PRELID3A: variants seen among roughly 807,000 people sequenced by gnomAD.
The protein encoded by PRELID3A is PRELI domain containing protein 3A.
PRELID3A carries 27 observed loss-of-function variants against 23.0 expected under a neutral mutation model. That is an observed-to-expected ratio of 1.17 (90% confidence interval 0.87 to 1.62). The LOEUF (loss-of-function observed/expected upper bound fraction) is 1.62, where lower values mean the gene tolerates loss of function less well. PRELID3A is among the 40% of genes most tolerant of loss of function. PRELID3A has a pLI of 0.00. For missense variants in PRELID3A, 231 were observed against 231.4 expected, an observed-to-expected ratio of 1.00 and a Z score of 0.01; for synonymous variants, 87 against 86.4, an observed-to-expected ratio of 1.01 and a Z score of -0.04.
chr18:12,414,452 G>A (rs566763437), intron 1 of PRELID3A, among the ~76,000 whole-genome samples: 8 of 152,286 alleles, frequency 5.3e-5, no homozygotes, highest in South Asian at 4.1e-4. Context: ...TTGGCCGGGC[G>A]CCATGGCTCA....
chr18:12,430,050 G>A (rs1246206410), intron 6 of PRELID3A, among the ~76,000 whole-genome samples: 1 of 152,270 alleles, frequency 6.6e-6, no homozygotes, highest in African/African-American at 2.4e-5. Flanking sequence ...ACCAGAGGCT[G>A]TGCTGCGCTG....
rs141682055 is a variant in PRELID3A, at chr18:12,429,362, A to G, written c.478A>G (p.Ile160Val). ...TTCTGTGTTGCAGGGGTGGGCTGCTATCGAGTGGATAATTGAACACTCTGA... is the reference window on the plus strand; with the variant it reads ...TTCTGTGTTGCAGGGGTGGGCTGCTGTCGAGTGGATAATTGAACACTCTGA... ...SSNAKKGWAAIEWIIEHSESA... is the reference protein window; with the variant it reads ...SSNAKKGWAAVEWIIEHSESA... The change falls in exon 6 of 7, where the codon ATC becomes GTC. Residue 160 changes from isoleucine (I) to valine (V), a missense_variant. By Grantham distance (29) the Ile-to-Val change is conservative (BLOSUM62 3). Coordinates refer to ENST00000440960, the MANE Select transcript of PRELID3A (RefSeq NM_001142405.2). 293 of 1,613,662 alleles carry G rather than the reference A, an allele frequency of 1.8e-4. No individual in the cohort carries two copies. The highest frequency in any genetic ancestry group is 2.4e-4 in the Non-Finnish European group (282 of 1,180,008).
At chr18:12,420,017 A>T in intron 1 of PRELID3A, 3 of 714,066 alleles carry the variant, frequency 4.2e-6, no homozygotes. Context: ...CAGGATGTTC[A>T]CTTGAGCCTG....
chr18:12,411,538 T>C (rs1909913152), intron 1 of PRELID3A, among the ~76,000 whole-genome samples: 1 of 151,446 alleles, frequency 6.6e-6, no homozygotes, highest in Non-Finnish European at 1.5e-5. Flanking sequence ...GGCAGACCTA[T>C]GACAAAATCA....
At position 12,427,294 on chromosome 18, in the gene PRELID3A, G is replaced by A; in HGVS notation, c.436G>A (p.Ala146Thr). The A allele has an allele frequency of 6.2e-7, 1 of 1,613,308 alleles. No individual in the cohort carries two copies. Among genetic ancestry groups the A allele is most frequent in the Non-Finnish European group, 8.5e-7 (1 of 1,179,224 alleles). The change falls in exon 5 of 7, where the codon GCC becomes ACC. Residue 146 changes from alanine (A) to threonine (T), a missense_variant. Physicochemically the swap from Ala to Thr is moderately conservative, Grantham distance 58 (BLOSUM62 0). Transcript: ENST00000440960. The part of the protein sequence containing the change: ...SLGSYLESLM[A>T]NTISSNAKKG... Reference sequence around the variant, plus strand: ...TGGTAGTTATTTGGAAAGTTTAATGGCCAATACGATATCATCCAATGCAAA... The same window carrying A: ...TGGTAGTTATTTGGAAAGTTTAATGACCAATACGATATCATCCAATGCAAA...
Position 12,421,727 on chromosome 18 carries a change from G to A in PRELID3A, c.291+98G>A, listed in dbSNP as rs543080790. ...CTATTTCCAGCCCACCTTTGGTCTA[G>A]GTGTTGCTTATTTTTAACAGAAAGG... On this transcript the variant is annotated intron_variant, in intron 3 of 6. Transcript: ENST00000440960. 26 of 754,094 alleles carry A rather than the reference G, an allele frequency of 3.4e-5. No homozygotes were observed. The African/African-American group carries it at 3.9e-4, about 11-fold the overall frequency. The allele number at this position is 754,094 out of a possible 1,614,324, so 46.7% of individuals were successfully genotyped here.
intron 1 of PRELID3A, among the ~76,000 whole-genome samples, chr18:12,417,025 A>G (rs2029982642): frequency 6.6e-6 from 1 of 152,014 alleles, no homozygotes; most frequent in Admixed American, 6.6e-5. Context: ...ATGTTGAGAT[A>G]TTTTTATTAT....
chr18:12,423,330 G>A (rs2030251138), intron 3 of PRELID3A, among the ~76,000 whole-genome samples: 1 of 152,180 alleles, frequency 6.6e-6, no homozygotes, highest in African/African-American at 2.4e-5. Context: ...CGGGTTGTGT[G>A]TTGGGAAGAA....
At position 12,429,371 on chromosome 18, in the gene PRELID3A, A is replaced by T. The variant is rs1364888746; in HGVS notation, c.487A>T (p.Ile163Leu). The change falls in exon 6 of 7, where the codon ATA becomes TTA. Residue 163 changes from isoleucine (I) to leucine (L), a missense_variant. Physicochemically the swap from Ile to Leu is conservative, Grantham distance 5. Transcript: ENST00000440960. ...AKKGWAAIEW[I>L]IEHSESAVS is the part of the protein sequence containing the mutation. ...GCAGGGGTGGGCTGCTATCGAGTGGATAATTGAACACTCTGAAAGCGCTGT... is the reference window on the plus strand; with the variant it reads ...GCAGGGGTGGGCTGCTATCGAGTGGTTAATTGAACACTCTGAAAGCGCTGT... 2 of 1,613,686 alleles carry T rather than the reference A, an allele frequency of 1.2e-6. No individual in the cohort carries two copies. Among genetic ancestry groups the T allele is most frequent in the Non-Finnish European group, 1.7e-6 (2 of 1,180,000 alleles).
chr18:12,408,335 C>T (rs1909794020), intron 1 of PRELID3A, among the ~76,000 whole-genome samples: 1 of 151,014 alleles, frequency 6.6e-6, no homozygotes, highest in Non-Finnish European at 1.5e-5. Flanking sequence ...CGGGGGCGGC[C>T]GGAGCCGGGG....
intron 1 of PRELID3A, among the ~76,000 whole-genome samples, chr18:12,408,404 G>A (rs1194501732): frequency 6.6e-6 from 1 of 152,106 alleles, no homozygotes; most frequent in African/African-American, 2.4e-5. Context: ...GGGCAGGGGA[G>A]AGGCCTGCAA....
In PRELID3A at chr18:12,407,956, C is replaced by CGCGCCCT. The variant is rs2143304392; in HGVS notation, c.-14_-8dup. On this transcript the variant is annotated 5_prime_UTR_variant, in exon 1 of 7. Transcript: ENST00000440960. ...AGCACCCGGCCCGGATCGCAGAGCC[C>CGCGCCCT]GCGCCCTGCGCCGGCGGCAATGAAG... 2 of 1,293,856 alleles carry CGCGCCCT rather than the reference C, an allele frequency of 1.5e-6. No homozygotes were observed. The highest frequency in any genetic ancestry group is 2.9e-4 in the Middle Eastern group (1 of 3,416). 80.1% of individuals were successfully genotyped at this position (1,293,856 alleles called of 1,614,324 possible).
chr18:12,427,076 G>T lies in PRELID3A; in HGVS notation c.327G>T (p.Arg109Ser). 3.7e-6 allele frequency: 6 copies of T among 1,613,602 alleles called. No individual in the cohort carries two copies. The highest frequency in any genetic ancestry group is 5.1e-6 in the Non-Finnish European group (6 of 1,179,588). Reference sequence around the variant, plus strand: ...CAAATTTGGTGTCAGTTAATGAGAGGTTGGTGTACACACCTCATCCAGAGA... The same window carrying T: ...CAAATTTGGTGTCAGTTAATGAGAGTTTGGTGTACACACCTCATCCAGAGA... ...TLTNLVSVNE[R>S]LVYTPHPENP... Residue 109 changes from arginine (R) to serine (S), a missense_variant, in exon 4 of 7, where the codon AGG becomes AGT. By Grantham distance (110) the Arg-to-Ser change is moderately radical (BLOSUM62 -1). Coordinates refer to ENST00000440960, the MANE Select transcript of PRELID3A (RefSeq NM_001142405.2).
intron 1 of PRELID3A, among the ~76,000 whole-genome samples, chr18:12,410,260 A>G (rs1432947358): frequency 6.6e-6 from 1 of 152,224 alleles, no homozygotes; most frequent in Non-Finnish European, 1.5e-5. Flanking sequence ...GGAATCTTAC[A>G]TGGAGATCAG....
intron 1 of PRELID3A, among the ~76,000 whole-genome samples, chr18:12,408,235 C>T (rs571111465): frequency 1.5e-3 from 231 of 151,956 alleles, no homozygotes; most frequent in African/African-American, 5.5e-3. Flanking sequence ...GCCTCTCCCC[C>T]GGCGTGCGCA....
intron 6 of PRELID3A, among the ~76,000 whole-genome samples, chr18:12,430,220 T>C (rs2030524526): frequency 6.6e-6 from 1 of 152,362 alleles, no homozygotes; most frequent in South Asian, 2.1e-4. Context: ...GGCCGCACCC[T>C]GAGTTCAGTG....
rs1298857342 is a variant in PRELID3A, at chr18:12,420,464, G to T, written c.172G>T (p.Glu58Ter). 6.4e-7 allele frequency: 1 copy of T among 1,561,128 alleles called. No homozygotes were observed. Among genetic ancestry groups the T allele is most frequent in the East Asian group, 2.4e-5 (1 of 41,850 alleles). ...RLHSLRLLST[E>*]WGLPSLVRAI... is the part of the protein sequence containing the mutation. Reference sequence around the variant, plus strand: ...GCACAGCTTGCGCCTGCTCAGCACCGAGTGGGGGCTGCCCAGCCTCGTGAG... The same window carrying T: ...GCACAGCTTGCGCCTGCTCAGCACCTAGTGGGGGCTGCCCAGCCTCGTGAG... Residue 58 changes from glutamate (E) to a stop codon, truncating the protein, a stop_gained, in exon 2 of 7, where the codon GAG becomes TAG. Coordinates refer to ENST00000440960, the MANE Select transcript of PRELID3A (RefSeq NM_001142405.2). LOFTEE classifies it high-confidence loss of function.
At chr18:12,430,068 C>T (rs1283207694) in intron 6 of PRELID3A, among the ~76,000 whole-genome samples, 1 of 152,238 alleles carries the variant, frequency 6.6e-6, no homozygotes, top group East Asian at 1.9e-4. Context: ...CTGCTCTGGG[C>T]TGCTCGTCCC....
At chr18:12,426,310 T>C (rs2030364155) in intron 3 of PRELID3A, among the ~76,000 whole-genome samples, 1 of 151,156 alleles carries the variant, frequency 6.6e-6, no homozygotes, top group African/African-American at 2.4e-5. Context: ...ATCCCAGCAC[T>C]TTGGGAGGCC....
Sources: gnomAD v4.1 joint callset for allele counts (sites outside exome capture counted in the v4.1 genomes callset) on GRCh38, gnomAD v4.1.1 for gene constraint, MANE v1.5 for transcripts, NCBI Gene and HGNC (gene_info 2026-07-23, HGNC 2026-07-21) for gene names.